The following MAPK10 variants were observed in gnomAD, a reference collection of about 807,000 sequenced individuals.
The protein encoded by MAPK10 is JNK3 alpha protein kinase.
A neutral mutation model predicts 59.3 loss-of-function variants in MAPK10; 25 were observed. The ratio of observed to expected loss-of-function variants is 0.42; its 90% CI spans 0.31 to 0.59. MAPK10 has a LOEUF of 0.59. Ranked by LOEUF, MAPK10 falls within the 20% of genes least tolerant of loss-of-function variation. The pLI, the probability that MAPK10 is intolerant of heterozygous loss-of-function variation, is 0.15. For missense variants in MAPK10, 351 were observed against 568.9 expected (o/e 0.62, Z 3.90); for synonymous variants, 190 against 200.5 (o/e 0.95, Z 0.44).
intron 4 of MAPK10, among the ~76,000 whole-genome samples, chr4:86,131,542 A>G (rs2061008622): frequency 6.6e-6 from 1 of 152,136 alleles, no homozygotes; most frequent in Admixed American, 6.5e-5. Context: ...CCCAGTTTTT[A>G]TCATAGACTA....
intron 2 of MAPK10, among the ~76,000 whole-genome samples, chr4:86,269,224 C>T (rs2094353313): frequency 6.6e-6 from 1 of 152,110 alleles, no homozygotes; most frequent in African/African-American, 2.4e-5. Context: ...TATTTGAACC[C>T]ACTAGTCTAT....
chr4:86,283,006 A>T (rs2094870710), intron 2 of MAPK10, among the ~76,000 whole-genome samples: 2 of 152,186 alleles, frequency 1.3e-5, no homozygotes, highest in Non-Finnish European at 2.9e-5. Flanking sequence ...TCATCTCCTT[A>T]GCAGATCATC....
At chr4:86,335,933 G>A (rs963481085) in intron 2 of MAPK10, among the ~76,000 whole-genome samples, 3 of 152,252 alleles carry the variant, frequency 2.0e-5, no homozygotes, top group Admixed American at 6.5e-5. Context: ...CTTCCCTCCA[G>A]ACGTGGAGAT....
chr4:86,181,151 T>C (rs766715298), intron 3 of MAPK10, among the ~76,000 whole-genome samples: 31 of 152,206 alleles, frequency 2.0e-4, no homozygotes, highest in Non-Finnish European at 4.1e-4. Flanking sequence ...AATTAAATTT[T>C]TAAATGGGAT....
intron 2 of MAPK10, among the ~76,000 whole-genome samples, chr4:86,283,698 T>C (rs780916085): frequency 1.3e-5 from 2 of 152,204 alleles, no homozygotes; most frequent in African/African-American, 2.4e-5. Context: ...GGATACATGG[T>C]TTTATAAAAT....
intron 4 of MAPK10, among the ~76,000 whole-genome samples, chr4:86,135,074 G>A (rs2061694093): frequency 6.6e-6 from 1 of 152,182 alleles, no homozygotes; most frequent in African/African-American, 2.4e-5. Flanking sequence ...ACAGCAGTCT[G>A]AGATCAAACT....
intron 1 of MAPK10, among the ~76,000 whole-genome samples, chr4:86,445,287 G>C (rs956561823): frequency 2.6e-5 from 4 of 152,136 alleles, no homozygotes; most frequent in African/African-American, 9.7e-5. Context: ...AATGGAGCTG[G>C]AAGCCATTAT....
chr4:86,182,084 T>C (rs559081829), intron 3 of MAPK10, among the ~76,000 whole-genome samples: 64 of 152,236 alleles, frequency 4.2e-4, no homozygotes, highest in South Asian at 3.1e-3. Flanking sequence ...TTTGTAATTA[T>C]TGAATTAATA....
At chr4:86,280,787 C>A (rs1016656423) in intron 2 of MAPK10, among the ~76,000 whole-genome samples, 2 of 152,120 alleles carry the variant, frequency 1.3e-5, no homozygotes, top group African/African-American at 4.8e-5. Flanking sequence ...AAATCGTGTC[C>A]TTTGCAGCAA....
upstream of MAPK10, among the ~76,000 whole-genome samples, chr4:86,457,139 GCATACAAAGGA>G (rs927558874): frequency 7.9e-5 from 12 of 152,186 alleles, no homozygotes; most frequent in African/African-American, 2.9e-4. Flanking sequence ...AGCAAAATTG[GCATACAAAGGA>G]CATACTTCAA....
intron 3 of MAPK10, among the ~76,000 whole-genome samples, chr4:86,189,318 T>A (rs1352823549): frequency 6.6e-6 from 1 of 152,254 alleles, no homozygotes; most frequent in African/African-American, 2.4e-5. Context: ...GCATTGAATC[T>A]ATAAATTACT....
At chr4:86,514,817 C>A (rs1427017025) in intron 1 of MAPK10, among the ~76,000 whole-genome samples, 1 of 152,098 alleles carries the variant, frequency 6.6e-6, no homozygotes, top group Non-Finnish European at 1.5e-5. Flanking sequence ...GTAAAATAAT[C>A]AATGTGTGTG....
intron 1 of MAPK10, among the ~76,000 whole-genome samples, chr4:86,576,296 A>G (rs539292941): frequency 2.6e-5 from 4 of 152,268 alleles, no homozygotes; most frequent in Non-Finnish European, 5.9e-5. Context: ...CAATAAGAAT[A>G]AAATTATCAA....
At chr4:86,416,013 C>T (rs73838906) in intron 1 of MAPK10, among the ~76,000 whole-genome samples, 26,769 of 152,014 alleles carry the variant, frequency 0.18, 2,485 homozygotes, top group South Asian at 0.28. Flanking sequence ...AATAAGAGTA[C>T]CACTGTTATA....
intron 1 of MAPK10, among the ~76,000 whole-genome samples, chr4:86,513,072 T>C (rs1756403761): frequency 6.6e-6 from 1 of 152,114 alleles, no homozygotes; most frequent in Non-Finnish European, 1.5e-5. Context: ...TTTTCTTTTC[T>C]TTTCTTTTTT....
At chr4:86,199,645 C>T (rs2082171100) in intron 2 of MAPK10, among the ~76,000 whole-genome samples, 1 of 151,926 alleles carries the variant, frequency 6.6e-6, no homozygotes, top group Admixed American at 6.6e-5. Context: ...TGAAGCTGGG[C>T]AGTGGGGTTC....
chr4:86,575,052 G>A (rs1178469681), intron 1 of MAPK10, among the ~76,000 whole-genome samples: 1 of 152,156 alleles, frequency 6.6e-6, no homozygotes, highest in East Asian at 1.9e-4. Context: ...CAGTGTGGGT[G>A]GGCATCATCC....
chr4:86,376,013 G>T (rs1288597169), intron 1 of MAPK10, among the ~76,000 whole-genome samples: 1 of 152,026 alleles, frequency 6.6e-6, no homozygotes. Flanking sequence ...CCTATTCTGG[G>T]TATTATCTCA....
intron 3 of MAPK10, among the ~76,000 whole-genome samples, chr4:86,170,467 G>A (rs1268133450): frequency 6.6e-6 from 1 of 152,160 alleles, no homozygotes; most frequent in African/African-American, 2.4e-5. Context: ...AAGATCAAAA[G>A]AGACGAAGAA....
Sources: allele counts gnomAD v4.1 joint callset (sites outside exome capture counted in the v4.1 genomes callset), GRCh38; gene constraint gnomAD v4.1.1; transcripts MANE v1.5; gene names NCBI Gene and HGNC (gene_info 2026-07-23, HGNC 2026-07-21).